Variants in PDZD9 observed in about 807,000 individuals in gnomAD.
PDZD9 encodes PDZ domain containing 9.
PDZD9 carries 13 observed loss-of-function variants against 16.3 expected under a neutral mutation model. That is an observed-to-expected ratio of 0.80 (90% confidence interval 0.52 to 1.27). The LOEUF (loss-of-function observed/expected upper bound fraction) is 1.27. Ranked by LOEUF, PDZD9 falls within the 50% of genes most tolerant of loss-of-function variation. The pLI, the probability that PDZD9 is intolerant of heterozygous loss-of-function variation, is 0.00. For synonymous variants in PDZD9, 120 were observed against 111.0 expected, an observed-to-expected ratio of 1.08 and a Z score of -0.51; for missense variants, 288 against 310.9, an observed-to-expected ratio of 0.93 and a Z score of 0.55.
At chr16:21,990,153 C>T (rs923020299) in intron 2 of PDZD9, among the ~76,000 whole-genome samples, 3 of 152,158 alleles carry the variant, frequency 2.0e-5, no homozygotes, top group African/African-American at 7.2e-5. Context: ...ATGAGGAACC[C>T]TGGCTGCTAC....
At chr16:21,971,725 C>T in the PDZD9 span, 92 of 1,360,486 alleles carry the variant, frequency 6.8e-5, 1 homozygote, top group Non-Finnish European at 8.6e-5. Context: ...TGAACAGTCT[C>T]GGCATAGAAT....
intron 2 of PDZD9, among the ~76,000 whole-genome samples, chr16:21,989,681 GT>G (rs1034830785): frequency 1.3e-5 from 2 of 152,184 alleles, no homozygotes; most frequent in African/African-American, 4.8e-5. Flanking sequence ...TGTGTATGCA[GT>G]GAGTATGTTG....
the PDZD9 span, chr16:21,962,296 T>A: frequency 2.6e-6 from 2 of 755,530 alleles, no homozygotes; most frequent in Non-Finnish European, 2.1e-6. Context: ...TTTAAAAAAA[T>A]TTTGAATTTT....
chr16:21,962,859 C>G, the PDZD9 span: 1 of 1,614,068 alleles, frequency 6.2e-7, no homozygotes, highest in Non-Finnish European at 8.5e-7. Context: ...ATTGACAAAG[C>G]TGTGGCCTTT....
chr16:21,976,320 C>T, the PDZD9 span: 292 of 1,246,560 alleles, frequency 2.3e-4, 2 homozygotes, highest in South Asian at 2.6e-3. Flanking sequence ...AACAATATTA[C>T]AATCTATGCT....
chr16:21,960,204 G>GCCAC, the PDZD9 span, among the ~76,000 whole-genome samples: 6 of 152,178 alleles, frequency 3.9e-5, no homozygotes, highest in African/African-American at 9.7e-5. Context: ...GTTTAGTGTA[G>GCCAC]CCACCTTCAT....
At position 21,988,751 on chromosome 16, in the gene PDZD9, T is replaced by C. The variant is rs1445092624; in HGVS notation, c.252A>G (p.Gly84=). The stretch of plus-strand genomic sequence containing the variant: ...GCTGTAAAAATTCTCGAAGAGTATA[T>C]CCTAACACATTGGCATGGCCAACAC... The part of the protein sequence containing the change: ...LISVGHANVL[G]YTLREFLQLL... Residue 84 remains glycine (G), a synonymous_variant, in exon 3 of 4, where the codon GGA becomes GGG. Transcript: ENST00000424898. 1 of 1,613,132 alleles carries C rather than the reference T, an allele frequency of 6.2e-7. No individual in the cohort carries two copies.
chr16:21,991,829 G>A (rs1309430628), intron 2 of PDZD9, among the ~76,000 whole-genome samples: 1 of 152,166 alleles, frequency 6.6e-6, no homozygotes, highest in Non-Finnish European at 1.5e-5. Context: ...ATGATGCCGA[G>A]GAGAACTGGC....
chr16:21,987,725 C>G (rs1230853948), intron 3 of PDZD9, among the ~76,000 whole-genome samples: 18 of 152,156 alleles, frequency 1.2e-4, no homozygotes, highest in Non-Finnish European at 1.5e-5. Flanking sequence ...GGGAAAAGGA[C>G]TCAGCCAAGG....
At chr16:21,985,007 A>G (rs1898841737) in intron 3 of PDZD9, among the ~76,000 whole-genome samples, 2 of 152,310 alleles carry the variant, frequency 1.3e-5, no homozygotes, top group South Asian at 4.1e-4. Context: ...TGAGAACTCT[A>G]TTCTTGTGGC....
intron 1 of PDZD9, among the ~76,000 whole-genome samples, chr16:22,000,358 C>CA (rs113217873): frequency 0.2 from 22,686 of 114,940 alleles, 2,123 homozygotes; most frequent in African/African-American, 0.32. Flanking sequence ...ATGGAAAAGG[C>CA]AAAAAAAAAA....
the PDZD9 span, chr16:21,968,593 T>C: frequency 1.3e-6 from 2 of 1,527,928 alleles, no homozygotes; most frequent in Non-Finnish European, 1.8e-6. Flanking sequence ...ATATTTATGC[T>C]AATATAACCT....
chr16:21,969,267 C>T, the PDZD9 span, among the ~76,000 whole-genome samples: 10 of 152,178 alleles, frequency 6.6e-5, no homozygotes, highest in Non-Finnish European at 1.2e-4. Flanking sequence ...GGCATGGTGG[C>T]TCATGCCTGT....
At chr16:21,971,486 A>G in the PDZD9 span, 13 of 1,491,392 alleles carry the variant, frequency 8.7e-6, 1 homozygote, top group Middle Eastern at 1.7e-4. Context: ...TGTTTTAGTA[A>G]TTGTGGTTCT....
chr16:21,965,261 G>A, the PDZD9 span: 2 of 663,408 alleles, frequency 3.0e-6, no homozygotes, highest in Middle Eastern at 4.0e-4. Context: ...GTTACTAGAG[G>A]TTAAATAATA....
chr16:21,996,702 G>A (rs977824021), intron 1 of PDZD9, among the ~76,000 whole-genome samples: 2 of 152,210 alleles, frequency 1.3e-5, no homozygotes, highest in Admixed American at 6.5e-5. Context: ...GGCTTTTGCA[G>A]AGTCTGGCAT....
At chr16:21,961,669 T>TATATATATATATATATATATA in the PDZD9 span, among the ~76,000 whole-genome samples, 7 of 128,972 alleles carry the variant, frequency 5.4e-5, no homozygotes, top group Non-Finnish European at 1.2e-4. Flanking sequence ...TATATATATA[T>TATATATATATATATATATATA]TTTAGACAGT....
intron 2 of PDZD9, among the ~76,000 whole-genome samples, chr16:21,989,100 GT>G (rs916261872): frequency 4.8e-4 from 67 of 139,716 alleles, no homozygotes; most frequent in Non-Finnish European, 4.9e-4. Context: ...GGCTAATTTT[GT>G]TTTTTTTTTT....
At chr16:21,971,959 A>C in the PDZD9 span, 5 of 1,614,186 alleles carry the variant, frequency 3.1e-6, no homozygotes, top group Non-Finnish European at 4.2e-6. Flanking sequence ...AGTCTTGTCC[A>C]TGCTGCTTTT....
Sources: gnomAD v4.1 joint callset for allele counts (sites outside exome capture counted in the v4.1 genomes callset) on GRCh38, gnomAD v4.1.1 for gene constraint, MANE v1.5 for transcripts, NCBI Gene and HGNC (gene_info 2026-07-23, HGNC 2026-07-21) for gene names.